DAGLA: variants seen among roughly 807,000 people sequenced by gnomAD.
The protein encoded by DAGLA is diacylglycerol lipase alpha, also known as diacylglycerol lipase-alpha.
DAGLA carries 22 observed loss-of-function variants against 102.6 expected under a neutral mutation model. That is an observed-to-expected ratio of 0.21 (90% CI 0.15 to 0.31). The LOEUF is 0.31. Ranked by LOEUF, DAGLA falls within the 10% of genes least tolerant of loss-of-function variation. The pLI, the probability that DAGLA is intolerant of heterozygous loss-of-function variation, is 1.00. For missense variants in DAGLA, 927 were observed against 1,446.6 expected, an observed-to-expected ratio of 0.64 and a Z score of 5.83; for synonymous variants, 578 against 628.9, an observed-to-expected ratio of 0.92 and a Z score of 1.21.
chr11:61,698,322 T>C (rs1398938977), intron 1 of DAGLA, among the ~76,000 whole-genome samples: 1 of 152,244 alleles, frequency 6.6e-6, no homozygotes, highest in Non-Finnish European at 1.5e-5. Context: ...CTCTGCAAGT[T>C]GGCTGGGAGA....
chr11:61,689,508 CTTT>C (rs199969886), intron 1 of DAGLA, among the ~76,000 whole-genome samples: 2 of 114,086 alleles, frequency 1.8e-5, no homozygotes, highest in Admixed American at 1.0e-4. Context: ...GTTTCCTCAT[CTTT>C]TTTTTTTTTT....
intron 1 of DAGLA, among the ~76,000 whole-genome samples, chr11:61,681,791 G>A (rs1040203507): frequency 1.3e-5 from 2 of 152,112 alleles, no homozygotes; most frequent in Non-Finnish European, 2.9e-5. Flanking sequence ...CCCTCCATCT[G>A]CGCTGAGATT....
chr11:61,701,590 C>A (rs1014303368), intron 1 of DAGLA, among the ~76,000 whole-genome samples: 2 of 152,190 alleles, frequency 1.3e-5, no homozygotes, highest in African/African-American at 2.4e-5. Context: ...GAGGCTTGTT[C>A]TAGTGCCTTC....
intron 1 of DAGLA, among the ~76,000 whole-genome samples, chr11:61,701,039 C>A (rs2065106665): frequency 6.6e-6 from 1 of 152,242 alleles, no homozygotes; most frequent in South Asian, 2.1e-4. Flanking sequence ...TTGTTCATCC[C>A]CTTTTTCCCG....
Position 61,704,998 on chromosome 11 carries a change from C to G in DAGLA, c.-44-15114C>G, listed in dbSNP as rs377200006. Among the ~76,000 whole-genome samples the G allele has an allele frequency of 2.2e-4, 33 of 152,290 alleles. 1 individual carries two copies. In the East Asian group the frequency reaches 5.8e-3, roughly 27 times the overall value. On this transcript the variant is annotated intron_variant, in intron 1 of 19. Transcript: ENST00000257215. The stretch of plus-strand genomic sequence containing the variant: ...GACTGACATCCTGACCTGCCGTGCC[C>G]GGGCTCGCCTGAGCTCGGGACTGGG...
At chr11:61,721,815 G>A (rs922906502) in intron 3 of DAGLA, among the ~76,000 whole-genome samples, 4 of 152,234 alleles carry the variant, frequency 2.6e-5, no homozygotes, top group Non-Finnish European at 5.9e-5. Context: ...ATTGGTCTCC[G>A]TTTATAGATG....
At chr11:61,726,542 G>C (rs1259672806) in intron 6 of DAGLA, among the ~76,000 whole-genome samples, 1 of 152,248 alleles carries the variant, frequency 6.6e-6, no homozygotes, top group Non-Finnish European at 1.5e-5. Flanking sequence ...CCAGGGCACT[G>C]CAGAAGGAAG....
At chr11:61,702,218 CTCTT>C (rs899385870) in intron 1 of DAGLA, among the ~76,000 whole-genome samples, 1 of 152,288 alleles carries the variant, frequency 6.6e-6, no homozygotes, top group East Asian at 1.9e-4. Flanking sequence ...GGTTCTCTCT[CTCTT>C]TCTCTCTCTC....
intron 6 of DAGLA, among the ~76,000 whole-genome samples, chr11:61,727,042 G>T (rs991172613): frequency 2.6e-4 from 40 of 152,332 alleles, no homozygotes; most frequent in Middle Eastern, 3.4e-3. Flanking sequence ...GCCCCTCTGG[G>T]TGCACGGGCA....
At chr11:61,719,534 A>T (rs2065265193) in intron 1 of DAGLA, among the ~76,000 whole-genome samples, 1 of 152,264 alleles carries the variant, frequency 6.6e-6, no homozygotes, top group Non-Finnish European at 1.5e-5. Flanking sequence ...CATTCAAGAA[A>T]TACTTACTGA....
intron 5 of DAGLA, 47 bp downstream of exon 5, chr11:61,723,619 C>G: frequency 6.3e-7 from 1 of 1,599,460 alleles, no homozygotes; most frequent in Non-Finnish European, 8.6e-7. Flanking sequence ...GCTTTGCTGT[C>G]TGGTGAGCAG....
chr11:61,739,109 C>T (rs1429629714), intron 16 of DAGLA, among the ~76,000 whole-genome samples: 1 of 152,192 alleles, frequency 6.6e-6, no homozygotes, highest in Non-Finnish European at 1.5e-5. Flanking sequence ...GTGTGTTTGG[C>T]CTCGGACTTG....
intron 12 of DAGLA, 119 bp from the exon 13 acceptor site, chr11:61,736,151 G>A: frequency 1.2e-6 from 1 of 809,394 alleles, no homozygotes; most frequent in Non-Finnish European, 2.1e-6. Flanking sequence ...CAGCTGGGTT[G>A]TCACGAGGCC....
Position 61,720,783 on chromosome 11 carries a change from T to C in DAGLA, c.200T>C (p.Leu67Pro). 6.2e-7 allele frequency: 1 copy of C among 1,613,928 alleles called. No individual in the cohort carries two copies. Among genetic ancestry groups the C allele is most frequent in the Non-Finnish European group, 8.5e-7 (1 of 1,180,036 alleles). ...DHGRGYLGIL[L>P]SCMIAEMAII... ...GGCCGCGGCTACCTGGGCATCCTGC[T>C]GAGCTGCATGATCGCTGAGATGGCC... Residue 67 changes from leucine (L) to proline (P), a missense_variant, in exon 3 of 20, where the codon CTG (leucine) becomes CCG (proline). Transcript: ENST00000257215.
intron 6 of DAGLA, among the ~76,000 whole-genome samples, chr11:61,726,798 C>T (rs149213351): frequency 4.6e-4 from 70 of 152,350 alleles, no homozygotes; most frequent in African/African-American, 1.3e-3. Flanking sequence ...GTGCCTTCCA[C>T]GGAAGCCACC....
intron 1 of DAGLA, among the ~76,000 whole-genome samples, chr11:61,718,689 T>C (rs570487515): frequency 1.3e-5 from 2 of 151,318 alleles, no homozygotes; most frequent in Admixed American, 1.3e-4. Flanking sequence ...GACTCCTCCT[T>C]GGAGAGAGAG....
In DAGLA at chr11:61,744,459, G is replaced by A. The variant is rs940662172; in HGVS notation, c.3099G>A (p.Lys1033=). ...TPTGHGASPA[K]QDELVISAR ...CTGGCCACGGAGCCAGCCCCGCCAA[G>A]CAAGATGAGCTGGTCATCTCAGCAC... Residue 1033 remains lysine (K), a synonymous_variant, in exon 20 of 20, where the codon AAG becomes AAA. Coordinates refer to ENST00000257215, the MANE Select transcript of DAGLA (RefSeq NM_006133.3). 5.0e-6 allele frequency: 8 copies of A among 1,584,162 alleles called. No individual in the cohort carries two copies. Among genetic ancestry groups the A allele is most frequent in the Non-Finnish European group, 6.9e-6 (8 of 1,162,232 alleles).
chr11:61,697,197 G>A (rs2065073930), intron 1 of DAGLA, among the ~76,000 whole-genome samples: 1 of 152,202 alleles, frequency 6.6e-6, no homozygotes, highest in African/African-American at 2.4e-5. Flanking sequence ...GCTGTTGGCT[G>A]TGCAAATTCC....
intron 1 of DAGLA, among the ~76,000 whole-genome samples, chr11:61,687,136 A>G (rs2064991647): frequency 6.6e-6 from 1 of 152,156 alleles, no homozygotes; most frequent in Non-Finnish European, 1.5e-5. Flanking sequence ...GCACGCTCCC[A>G]TCCCTCCAAC....
Sources: gnomAD v4.1 joint callset for allele counts (sites outside exome capture counted in the v4.1 genomes callset) on GRCh38, gnomAD v4.1.1 for gene constraint, MANE v1.5 for transcripts, NCBI Gene and HGNC (gene_info 2026-07-23, HGNC 2026-07-21) for gene names.